The following AGPAT4 variants were observed in gnomAD, a reference collection of about 807,000 sequenced individuals.
AGPAT4 encodes 1-acylglycerol-3-phosphate O-acyltransferase 4.
AGPAT4 carries 15 observed loss-of-function variants against 48.0 expected under a neutral mutation model. That is an observed-to-expected ratio of 0.31 (90% CI 0.21 to 0.48). The LOEUF (loss-of-function observed/expected upper bound fraction) is 0.48. Ranked by LOEUF, AGPAT4 falls within the 20% of genes least tolerant of loss-of-function variation. AGPAT4 has a pLI of 0.99. For synonymous variants in AGPAT4, 178 were observed against 198.7 expected, an observed-to-expected ratio of 0.90 and a Z score of 0.88; for missense variants, 314 against 482.5, an observed-to-expected ratio of 0.65 and a Z score of 3.27.
rs903256677 is a variant in AGPAT4 at position 161,219,440 on chromosome 6, C to T, written c.178+12596G>A. ...CTCTCAGGTTTGTTTTTTCTATACC[C>T]CAATGGCTTGTCTTGTTTACCTCCT... On this transcript the variant is annotated intron_variant, in intron 2 of 8. Transcript: ENST00000320285. This position sits in a 1 kb window ranked among gnomAD's most constrained non-coding sequence, Gnocchi z 4.9. Among the ~76,000 whole-genome samples, 3 of 151,786 alleles carry T rather than the reference C, an allele frequency of 2.0e-5. No homozygotes were observed. The highest frequency in any genetic ancestry group is 7.3e-5 in the African/African-American group (3 of 41,348).
rs1264247630 is a variant in AGPAT4, at chr6:161,219,875, G to GATAGA, written c.178+12160_178+12161insTCTAT. 5.7e-3 allele frequency among the ~76,000 whole-genome samples: 430 copies of GATAGA among 75,364 alleles called. 5 individuals are homozygous for GATAGA. Among genetic ancestry groups the GATAGA allele is most frequent in the East Asian group, 7.6e-3 (20 of 2,624 alleles). The allele number at this position is 75,364 out of a possible 152,430, so 49.4% of individuals were successfully genotyped here. ...GATAGATAGATAGATAGATAGATAGGCAGGCAGGCAGGCAGGCAGGCAGGC... is the reference window on the plus strand; with the variant it reads ...GATAGATAGATAGATAGATAGATAGGATAGACAGGCAGGCAGGCAGGCAGGCAGGC... On this transcript the variant is annotated intron_variant, in intron 2 of 8. Transcript: ENST00000320285. This position sits in a 1 kb window ranked among gnomAD's most constrained non-coding sequence, Gnocchi z 4.9.
Position 161,208,585 on chromosome 6 carries a change from G to A in AGPAT4, c.178+23451C>T, listed in dbSNP as rs1234937048. Among the ~76,000 whole-genome samples the A allele has an allele frequency of 1.3e-5, 2 of 151,170 alleles. No homozygotes were observed. Among genetic ancestry groups the A allele is most frequent in the African/African-American group, 4.9e-5 (2 of 41,132 alleles). ...TTTGAATTCACTTAAAACAACGATAGCAAAAAAATACTTGCAATGAACAAC... is the reference window on the plus strand; with the variant it reads ...TTTGAATTCACTTAAAACAACGATAACAAAAAAATACTTGCAATGAACAAC... On this transcript the variant is annotated intron_variant, in intron 2 of 8. Transcript: ENST00000320285. The surrounding 1 kb of genome is among the most constrained non-coding windows in gnomAD (Gnocchi z 4.6).
At chr6:161,210,051 G>A (rs973100626) in intron 2 of AGPAT4, among the ~76,000 whole-genome samples, 1 of 152,176 alleles carries the variant, frequency 6.6e-6, no homozygotes, top group Non-Finnish European at 1.5e-5. Flanking sequence ...TAAGTGCACT[G>A]TAAAAGCGTC....
chr6:161,231,939 G>A lies in AGPAT4; in HGVS notation c.178+97C>T. Reference sequence around the variant, plus strand: ...AAAAACAAAACAAAAAAACAGCTCGGCACACAACGAAAGCCTAGTGAATCC... The same window carrying A: ...AAAAACAAAACAAAAAAACAGCTCGACACACAACGAAAGCCTAGTGAATCC... On this transcript the variant is annotated intron_variant, in intron 2 of 8. Coordinates refer to ENST00000320285, the MANE Select transcript of AGPAT4 (RefSeq NM_020133.3). This position sits in a 1 kb window ranked among gnomAD's most constrained non-coding sequence, Gnocchi z 5.3. 1 of 1,249,408 alleles carries A rather than the reference G, an allele frequency of 8.0e-7. No homozygotes were observed. Among genetic ancestry groups the A allele is most frequent in the Non-Finnish European group, 1.1e-6 (1 of 918,082 alleles). 77.4% of individuals were successfully genotyped at this position (1,249,408 alleles called of 1,614,324 possible). A position where few individuals can be genotyped will look rare whatever the true frequency, so the allele number is the denominator to read the frequency against.
In AGPAT4 at chr6:161,234,407, G is replaced by A. The variant is rs1320709436; in HGVS notation, c.-89-2105C>T. Reference sequence around the variant, plus strand: ...TCTGGCACAAATCCAGGCCCTGCAGGGTCTGAATCATCACATCTCTGGCCT... The same window carrying A: ...TCTGGCACAAATCCAGGCCCTGCAGAGTCTGAATCATCACATCTCTGGCCT... On this transcript the variant is annotated intron_variant, in intron 1 of 8. Transcript: ENST00000320285. This position sits in a 1 kb window ranked among gnomAD's most constrained non-coding sequence, Gnocchi z 4.4. Among the ~76,000 whole-genome samples the A allele has an allele frequency of 6.6e-6, 1 of 151,942 alleles. No individual in the cohort carries two copies. The highest frequency in any genetic ancestry group is 1.5e-5 in the Non-Finnish European group (1 of 68,010).
chr6:161,194,644 G>GTGTA (rs780419296), intron 2 of AGPAT4, among the ~76,000 whole-genome samples: 16 of 151,820 alleles, frequency 1.1e-4, no homozygotes, highest in African/African-American at 2.9e-4. Flanking sequence ...ATGTGTGTAT[G>GTGTA]TGTATGTATG....
intron 2 of AGPAT4, among the ~76,000 whole-genome samples, chr6:161,205,146 G>A (rs780489397): frequency 1.3e-5 from 2 of 152,102 alleles, no homozygotes; most frequent in African/African-American, 2.4e-5. Context: ...TCTCTGGCAC[G>A]ACTGATCCTA....
Position 161,262,920 on chromosome 6 carries a change from C to T in AGPAT4, c.-90+11018G>A, listed in dbSNP as rs552061565. On this transcript the variant is annotated intron_variant, in intron 1 of 8. Coordinates refer to ENST00000320285, the MANE Select transcript of AGPAT4 (RefSeq NM_020133.3). This position sits in a 1 kb window ranked among gnomAD's most constrained non-coding sequence, Gnocchi z 4.9. ...CCAGTCCTTGTCTGCAGGGAATGACCGAGGAAGAGAGGCCAGGAGGAGCAA... is the reference window on the plus strand; with the variant it reads ...CCAGTCCTTGTCTGCAGGGAATGACTGAGGAAGAGAGGCCAGGAGGAGCAA... 2.0e-5 allele frequency among the ~76,000 whole-genome samples: 3 copies of T among 152,226 alleles called. No homozygotes were observed. Among genetic ancestry groups the T allele is most frequent in the Admixed American group, 6.5e-5 (1 of 15,288 alleles).
rs113696503 is a variant in AGPAT4, at chr6:161,270,106, A to G, written c.-90+3832T>C. ...AGAAGAAAATGGGTATCTGCCAGTC[A>G]TGGGGTTTCCCTTGTAAACCCATTT... is the stretch of plus-strand genomic sequence containing the variant. On this transcript the variant is annotated intron_variant, in intron 1 of 8. Transcript: ENST00000320285. This position sits in a 1 kb window ranked among gnomAD's most constrained non-coding sequence, Gnocchi z 5.3. Among the ~76,000 whole-genome samples, 11 of 152,378 alleles carry G rather than the reference A, an allele frequency of 7.2e-5. No homozygotes were observed. Among genetic ancestry groups the G allele is most frequent in the African/African-American group, 2.6e-4 (11 of 41,594 alleles).
At chr6:161,199,970 AACG>A (rs1488552775) in intron 2 of AGPAT4, among the ~76,000 whole-genome samples, 2 of 147,328 alleles carry the variant, frequency 1.4e-5, no homozygotes, top group Non-Finnish European at 3.1e-5. Context: ...CCCTGAGAAC[AACG>A]GCTTGTTCCT....
At chr6:161,250,005 T>C (rs765676717) in intron 1 of AGPAT4, among the ~76,000 whole-genome samples, 1 of 152,230 alleles carries the variant, frequency 6.6e-6, no homozygotes, top group Non-Finnish European at 1.5e-5. Context: ...TGTGGAATAT[T>C]ATGCAACTAT....
At position 161,236,714 on chromosome 6, in the gene AGPAT4, G is replaced by A. The variant is rs990116959; in HGVS notation, c.-89-4412C>T. On this transcript the variant is annotated intron_variant, in intron 1 of 8. Transcript: ENST00000320285. The surrounding 1 kb of genome is among the most constrained non-coding windows in gnomAD (Gnocchi z 5.0). ...AGGTCAGGAGTTCGAAACCAGCCTGGTGAAACCCCATCTCCACTAAAAATA... is the reference window on the plus strand; with the variant it reads ...AGGTCAGGAGTTCGAAACCAGCCTGATGAAACCCCATCTCCACTAAAAATA... Among the ~76,000 whole-genome samples the A allele has an allele frequency of 2.6e-5, 4 of 151,322 alleles. No individual in the cohort carries two copies. The highest frequency in any genetic ancestry group is 5.9e-5 in the Non-Finnish European group (4 of 67,814).
In AGPAT4 at chr6:161,236,740, C is replaced by CAAA. The variant is rs11462184; in HGVS notation, c.-89-4441_-89-4439dup. 7.1e-6 allele frequency among the ~76,000 whole-genome samples: 1 copy of CAAA among 140,366 alleles called. No individual in the cohort carries two copies. The highest frequency in any genetic ancestry group is 2.1e-4 in the East Asian group (1 of 4,828). 92.1% of individuals were successfully genotyped at this position (140,366 alleles called of 152,430 possible). On this transcript the variant is annotated intron_variant, in intron 1 of 8. Coordinates refer to ENST00000320285, the MANE Select transcript of AGPAT4 (RefSeq NM_020133.3). This position sits in a 1 kb window ranked among gnomAD's most constrained non-coding sequence, Gnocchi z 5.0. ...TGAAACCCCATCTCCACTAAAAATA[C>CAAA]AAAAAAAAAAAAATAGCTGGATGTG...
chr6:161,246,513 G>A lies in AGPAT4; in HGVS notation c.-89-14211C>T, dbSNP rs147208792. ...CAACCTCCGCCTCTCAAGTTCAAGCGATTCTCCTGCCTCAGCCTCCCGAGT... is the reference window on the plus strand; with the variant it reads ...CAACCTCCGCCTCTCAAGTTCAAGCAATTCTCCTGCCTCAGCCTCCCGAGT... On this transcript the variant is annotated intron_variant, in intron 1 of 8. Coordinates refer to ENST00000320285, the MANE Select transcript of AGPAT4 (RefSeq NM_020133.3). The surrounding 1 kb of genome is among the most constrained non-coding windows in gnomAD (Gnocchi z 5.5). Among the ~76,000 whole-genome samples the A allele has an allele frequency of 0.024, 3,641 of 151,894 alleles. 72 individuals are homozygous for A. Among genetic ancestry groups the A allele is most frequent in the East Asian group, 0.09 (461 of 5,150 alleles).
intron 3 of AGPAT4, among the ~76,000 whole-genome samples, chr6:161,157,127 T>C (rs1474914): frequency 0.2 from 30,865 of 152,254 alleles, 4,018 homozygotes; most frequent in African/African-American, 0.37. Flanking sequence ...AGGGTCTGCC[T>C]GACCAAGCTG....
rs1419535627 is a variant in AGPAT4, at chr6:161,231,496, G to A, written c.178+540C>T. ...GTGGTGCAAGATGCTACCATAGGGA[G>A]AAACTGGCCAAGGAGTGTACAGAAT... On this transcript the variant is annotated intron_variant, in intron 2 of 8. Coordinates refer to ENST00000320285, the MANE Select transcript of AGPAT4 (RefSeq NM_020133.3). The surrounding 1 kb of genome is among the most constrained non-coding windows in gnomAD (Gnocchi z 5.3). 6.6e-6 allele frequency among the ~76,000 whole-genome samples: 1 copy of A among 152,134 alleles called. No homozygotes were observed. The highest frequency in any genetic ancestry group is 1.9e-4 in the East Asian group (1 of 5,204).
rs1402040922 is a variant in AGPAT4, at chr6:161,154,858, C to T, written c.349-548G>A. The stretch of plus-strand genomic sequence containing the variant: ...GGTTGGCCAAAGATTCATTTGAATC[C>T]GATTTTTCCGAGACAGCTCAACTCA... On this transcript the variant is annotated intron_variant, in intron 3 of 8. Coordinates refer to ENST00000320285, the MANE Select transcript of AGPAT4 (RefSeq NM_020133.3). This position sits in a 1 kb window ranked among gnomAD's most constrained non-coding sequence, Gnocchi z 7.8. Among the ~76,000 whole-genome samples, 1 of 152,220 alleles carries T rather than the reference C, an allele frequency of 6.6e-6. No individual in the cohort carries two copies. The highest frequency in any genetic ancestry group is 1.5e-5 in the Non-Finnish European group (1 of 68,034).
At chr6:161,150,393 G>A (rs1392821428) in intron 5 of AGPAT4, among the ~76,000 whole-genome samples, 1 of 152,158 alleles carries the variant, frequency 6.6e-6, no homozygotes, top group Non-Finnish European at 1.5e-5. Flanking sequence ...CTTACTGCAG[G>A]GACCAGCACA....
intron 2 of AGPAT4, among the ~76,000 whole-genome samples, chr6:161,174,458 G>A (rs1302146007): frequency 6.6e-6 from 1 of 151,982 alleles, no homozygotes. Context: ...GTCTGTTATT[G>A]GTGTATAGGA....
Sources: allele counts gnomAD v4.1 joint callset (sites outside exome capture counted in the v4.1 genomes callset), GRCh38; gene constraint gnomAD v4.1.1; non-coding constraint Gnocchi (gnomAD v3.1); transcripts MANE v1.5; gene names NCBI Gene and HGNC (gene_info 2026-07-23, HGNC 2026-07-21).